Variants in CCDC125 observed in about 807,000 individuals in gnomAD.
The protein encoded by CCDC125 is coiled-coil domain-containing protein 125.
In CCDC125, 43 loss-of-function variants were observed where a neutral mutation model predicts 57.4. That is an observed-to-expected ratio of 0.75 (90% CI 0.59 to 0.97). The LOEUF (loss-of-function observed/expected upper bound fraction) is 0.97. Ranked by LOEUF, CCDC125 falls within the 50% of genes least tolerant of loss-of-function variation. CCDC125 has a pLI of 0.00. For synonymous variants in CCDC125, 187 were observed against 195.2 expected (o/e 0.96, Z 0.35); for missense variants, 563 against 595.7 (o/e 0.95, Z 0.57).
intron 6 of CCDC125, among the ~76,000 whole-genome samples, chr5:69,306,212 C>G (rs1757306118): frequency 6.6e-6 from 1 of 151,670 alleles, no homozygotes; most frequent in Non-Finnish European, 1.5e-5. Context: ...CAGGTGTGAG[C>G]CATCATGCCC....
chr5:69,314,101 T>G, intron 2 of CCDC125, 55 bp from the exon 3 acceptor site: 1 of 1,153,780 alleles, frequency 8.7e-7, no homozygotes, highest in South Asian at 1.2e-5. Flanking sequence ...ATATTTTAAC[T>G]AATTAAACAT....
intron 1 of CCDC125, among the ~76,000 whole-genome samples, chr5:69,331,890 T>C (rs1761466892): frequency 6.6e-6 from 1 of 152,228 alleles, no homozygotes; most frequent in African/African-American, 2.4e-5. Context: ...CTGAATCTTT[T>C]TAATAGTGCT....
chr5:69,284,497 A>T (rs1752997491), intron 11 of CCDC125, among the ~76,000 whole-genome samples: 1 of 152,162 alleles, frequency 6.6e-6, no homozygotes. Context: ...ATATAAATGT[A>T]GATGGCAAAG....
At chr5:69,306,094 C>CTT (rs755336300) in intron 6 of CCDC125, among the ~76,000 whole-genome samples, 1 of 144,926 alleles carries the variant, frequency 6.9e-6, no homozygotes. Context: ...TATTTTTCAT[C>CTT]TTTTTTTTTT....
At chr5:69,325,625 A>G (rs1447760445) in intron 1 of CCDC125, among the ~76,000 whole-genome samples, 1 of 150,906 alleles carries the variant, frequency 6.6e-6, no homozygotes, top group African/African-American at 2.4e-5. Context: ...AGAGTTTAGG[A>G]CCAGCCTGGC....
intron 2 of CCDC125, among the ~76,000 whole-genome samples, chr5:69,317,561 C>T (rs1759323347): frequency 6.6e-6 from 1 of 152,086 alleles, no homozygotes; most frequent in Non-Finnish European, 1.5e-5. Flanking sequence ...GTTTGTTCAA[C>T]TTTGAGGGGA....
chr5:69,277,267 C>A, downstream of CCDC125: 1 of 506,948 alleles, frequency 2.0e-6, no homozygotes. Flanking sequence ...ATATGTAAAA[C>A]TATGGGTTAT....
intron 10 of CCDC125, among the ~76,000 whole-genome samples, chr5:69,291,630 C>T (rs1754478930): frequency 6.6e-6 from 1 of 152,220 alleles, no homozygotes; most frequent in Non-Finnish European, 1.5e-5. Context: ...GCTAGGATTA[C>T]AGGCGTGAGC....
chr5:69,302,247 C>G (rs997249057), intron 7 of CCDC125, among the ~76,000 whole-genome samples: 1 of 150,204 alleles, frequency 6.7e-6, no homozygotes, highest in Non-Finnish European at 1.5e-5. Context: ...CATGGTGAAA[C>G]CCTGCCTCTA....
intron 1 of CCDC125, among the ~76,000 whole-genome samples, chr5:69,323,384 G>A (rs1580235363): frequency 6.6e-6 from 1 of 152,020 alleles, no homozygotes; most frequent in African/African-American, 2.4e-5. Context: ...ATCCTCCTGT[G>A]TACTTTATAT....
chr5:69,279,480 G>A (rs948827711), downstream of CCDC125, among the ~76,000 whole-genome samples: 4 of 152,178 alleles, frequency 2.6e-5, no homozygotes, highest in African/African-American at 9.6e-5. Flanking sequence ...ACAGGCGTGA[G>A]CCACCGTGCC....
downstream of CCDC125, among the ~76,000 whole-genome samples, chr5:69,279,654 T>G (rs1752374009): frequency 6.6e-6 from 1 of 152,108 alleles, no homozygotes; most frequent in African/African-American, 2.4e-5. Flanking sequence ...AACCCACTCG[T>G]GCTTCAAATC....
rs776480974 is a variant in CCDC125 at position 69,290,280 on chromosome 5, TTTATTA to T, written c.1099+1902_1099+1907del. On this transcript the variant is annotated intron_variant, in intron 10 of 11. Transcript: ENST00000396496. ...TGGCTATCTACTATAAAGCTTTCAT[TTTATTA>T]TTATTATTATTATTACTATTATTAT... Among the ~76,000 whole-genome samples, 5 of 150,852 alleles carry T rather than the reference TTTATTA, an allele frequency of 3.3e-5. No homozygotes were observed. In the East Asian group the frequency reaches 5.8e-4, roughly 18 times the overall value.
At chr5:69,317,973 A>ATTTTT (rs34680998) in intron 2 of CCDC125, among the ~76,000 whole-genome samples, 9 of 82,354 alleles carry the variant, frequency 1.1e-4, no homozygotes, top group East Asian at 3.8e-4. Flanking sequence ...TGTCTCTAGA[A>ATTTTT]TTTTTTTTTT....
At chr5:69,314,949 G>T (rs1561466886) in intron 2 of CCDC125, among the ~76,000 whole-genome samples, 1 of 152,084 alleles carries the variant, frequency 6.6e-6, no homozygotes, top group Non-Finnish European at 1.5e-5. Context: ...TGATGTAGTG[G>T]TATAAATATG....
At chr5:69,307,015 GAA>G (rs1225823030) in intron 5 of CCDC125, 113 bp from the exon 6 acceptor site, 2 of 1,194,514 alleles carry the variant, frequency 1.7e-6, no homozygotes, top group South Asian at 7.0e-5. Flanking sequence ...GGTTTAAAGA[GAA>G]AAAATTAATT....
intron 10 of CCDC125, among the ~76,000 whole-genome samples, chr5:69,291,275 C>T (rs915015123): frequency 6.6e-6 from 1 of 152,002 alleles, no homozygotes; most frequent in African/African-American, 2.4e-5. Context: ...ATAACAGCTA[C>T]TTTGTTCATA....
At chr5:69,295,790 T>C (rs1440030984) in intron 8 of CCDC125, among the ~76,000 whole-genome samples, 1 of 152,186 alleles carries the variant, frequency 6.6e-6, no homozygotes, top group Non-Finnish European at 1.5e-5. Flanking sequence ...CAAAAGATGT[T>C]GAAATTCTGT....
chr5:69,299,843 T>C (rs910315198), intron 8 of CCDC125, among the ~76,000 whole-genome samples, 169 bp downstream of exon 8: 7 of 152,160 alleles, frequency 4.6e-5, no homozygotes, highest in Non-Finnish European at 7.3e-5. Context: ...ATGAAGGGCA[T>C]GGAACCAGCA....
Sources: allele counts gnomAD v4.1 joint callset (sites outside exome capture counted in the v4.1 genomes callset), GRCh38; gene constraint gnomAD v4.1.1; transcripts MANE v1.5; gene names NCBI Gene and HGNC (gene_info 2026-07-23, HGNC 2026-07-21).